Variants in AP3S1 observed in about 807,000 individuals in gnomAD.
AP3S1 encodes the protein AP-3 complex subunit sigma-1.
In AP3S1, 12 loss-of-function variants were observed where a neutral mutation model predicts 21.3. That is an observed-to-expected ratio of 0.56 (90% CI 0.36 to 0.91). AP3S1 has a LOEUF of 0.91. Ranked by LOEUF, AP3S1 falls within the 40% of genes least tolerant of loss-of-function variation. The probability of loss-of-function intolerance (pLI) is 0.01; values close to 1 mark genes in which losing one functional copy is unlikely to be tolerated. For missense variants in AP3S1, 116 were observed against 225.0 expected (o/e 0.52, Z 3.10); for synonymous variants, 48 against 78.4 (o/e 0.61, Z 2.05).
intron 2 of AP3S1, among the ~76,000 whole-genome samples, chr5:115,868,516 A>C (rs928545158): frequency 6.6e-6 from 1 of 152,306 alleles, no homozygotes. Context: ...ATTAGAAGAC[A>C]TAGAAGTAGT....
At chr5:115,843,891 G>A (rs902715195) in intron 1 of AP3S1, among the ~76,000 whole-genome samples, 2 of 152,304 alleles carry the variant, frequency 1.3e-5, no homozygotes, top group African/African-American at 2.4e-5. Context: ...TAGCAGTGAC[G>A]GTTAATGTGG....
At chr5:115,878,991 C>T (rs929045191) in intron 3 of AP3S1, among the ~76,000 whole-genome samples, 3 of 152,088 alleles carry the variant, frequency 2.0e-5, no homozygotes, top group Non-Finnish European at 4.4e-5. Context: ...TAATTTGGCT[C>T]TCCGTTTGTC....
intron 5 of AP3S1, chr5:115,907,091 C>T: frequency 1.3e-6 from 1 of 795,080 alleles, no homozygotes; most frequent in Non-Finnish European, 1.5e-6. Context: ...TTTTGTCTGC[C>T]TGCATTGTAA....
At chr5:115,883,554 A>T (rs540671504) in intron 3 of AP3S1, among the ~76,000 whole-genome samples, 1 of 152,198 alleles carries the variant, frequency 6.6e-6, no homozygotes, top group Admixed American at 6.5e-5. Flanking sequence ...ACCAGTCCCA[A>T]TGAGATGAGC....
At chr5:115,890,836 C>T (rs1383863773) in intron 3 of AP3S1, among the ~76,000 whole-genome samples, 1 of 152,196 alleles carries the variant, frequency 6.6e-6, no homozygotes, top group Admixed American at 6.5e-5. Flanking sequence ...TGTCTAGTTT[C>T]TTTAAGCAGA....
At chr5:115,846,217 C>T (rs1762053695) in intron 1 of AP3S1, among the ~76,000 whole-genome samples, 1 of 152,180 alleles carries the variant, frequency 6.6e-6, no homozygotes, top group Non-Finnish European at 1.5e-5. Flanking sequence ...CTATGTTGCT[C>T]AGGCTGGTCT....
At chr5:115,908,012 G>A (rs912952323) in intron 5 of AP3S1, among the ~76,000 whole-genome samples, 6 of 152,102 alleles carry the variant, frequency 3.9e-5, no homozygotes, top group African/African-American at 1.4e-4. Flanking sequence ...ACTGAGAATT[G>A]ATGATTGTGG....
intron 4 of AP3S1, among the ~76,000 whole-genome samples, chr5:115,901,577 C>T (rs2112567193): frequency 6.8e-6 from 1 of 147,690 alleles, no homozygotes; most frequent in East Asian, 2.0e-4. Flanking sequence ...TTAATTGAGG[C>T]AGGGTCTCAC....
intron 2 of AP3S1, among the ~76,000 whole-genome samples, chr5:115,867,199 G>A (rs1763700298): frequency 6.6e-6 from 1 of 151,998 alleles, no homozygotes; most frequent in Admixed American, 6.6e-5. Flanking sequence ...TTTGCATGTT[G>A]CTGGTTCTCA....
At chr5:115,866,859 T>G (rs1223892558) in intron 2 of AP3S1, 98 bp downstream of exon 2, 1 of 630,662 alleles carries the variant, frequency 1.6e-6, no homozygotes, top group Non-Finnish European at 2.4e-6. Context: ...TACTTTTGAT[T>G]AATTGGATTA....
intron 3 of AP3S1, among the ~76,000 whole-genome samples, chr5:115,876,070 G>GT (rs910358726): frequency 3.5e-4 from 54 of 152,226 alleles, no homozygotes; most frequent in African/African-American, 1.2e-3. Context: ...GTGTCAGGGT[G>GT]TTAGAGTCAG....
intron 3 of AP3S1, among the ~76,000 whole-genome samples, chr5:115,879,592 C>G (rs1269212805): frequency 6.6e-6 from 1 of 152,088 alleles, no homozygotes; most frequent in Non-Finnish European, 1.5e-5. Flanking sequence ...CTGCTAGATT[C>G]GGTTTGCCAG....
intron 3 of AP3S1, among the ~76,000 whole-genome samples, chr5:115,885,707 C>A (rs1344347764): frequency 6.6e-6 from 1 of 152,250 alleles, no homozygotes; most frequent in African/African-American, 2.4e-5. Context: ...GCTATCTAGG[C>A]GTCCTTCACT....
chr5:115,884,487 C>A (rs1358829188), intron 3 of AP3S1, among the ~76,000 whole-genome samples: 1 of 152,152 alleles, frequency 6.6e-6, no homozygotes, highest in African/African-American at 2.4e-5. Flanking sequence ...ATCACTTGAA[C>A]CCCAGGCGGG....
chr5:115,863,465 C>T (rs930246847), intron 1 of AP3S1, among the ~76,000 whole-genome samples: 15 of 150,984 alleles, frequency 9.9e-5, no homozygotes, highest in Admixed American at 7.3e-4. Flanking sequence ...CCCAGCTACT[C>T]GGGAGGCTGA....
At chr5:115,904,471 G>T (rs915474191) in intron 5 of AP3S1, among the ~76,000 whole-genome samples, 9 of 152,304 alleles carry the variant, frequency 5.9e-5, no homozygotes, top group South Asian at 2.1e-4. Context: ...ATTTAAAATA[G>T]TCTTGCATTT....
intron 1 of AP3S1, among the ~76,000 whole-genome samples, chr5:115,849,531 C>T (rs1419579086): frequency 2.0e-5 from 3 of 152,132 alleles, no homozygotes; most frequent in Admixed American, 2.0e-4. Flanking sequence ...CAGATCATGC[C>T]TGTATGCCAC....
At chr5:115,852,473 TC>T (rs1762506274) in intron 1 of AP3S1, among the ~76,000 whole-genome samples, 1 of 152,178 alleles carries the variant, frequency 6.6e-6, no homozygotes. Context: ...AATATAGCTC[TC>T]ACATGCTATA....
At chr5:115,897,644 C>T (rs1354891076) in intron 4 of AP3S1, among the ~76,000 whole-genome samples, 4 of 151,332 alleles carry the variant, frequency 2.6e-5, no homozygotes, top group Admixed American at 2.0e-4. Context: ...AATGCAAGCT[C>T]CACCTCCCAG....
Sources: allele counts gnomAD v4.1 joint callset (sites outside exome capture counted in the v4.1 genomes callset), GRCh38; gene constraint gnomAD v4.1.1; transcripts MANE v1.5; gene names NCBI Gene and HGNC (gene_info 2026-07-23, HGNC 2026-07-21).